Variants in SCUBE2 observed in about 807,000 individuals in gnomAD.
SCUBE2 encodes the protein signal peptide, CUB and EGF-like domain-containing protein 2.
Under a neutral mutation model 125.9 loss-of-function variants are expected in SCUBE2, and 114 were observed. The ratio of observed to expected loss-of-function variants is 0.91; its 90% CI spans 0.78 to 1.06. The LOEUF (loss-of-function observed/expected upper bound fraction) is 1.06, where lower values mean the gene tolerates loss of function less well. SCUBE2 is among the 50% of genes least tolerant of loss of function. The probability of loss-of-function intolerance (pLI) is 0.00; values close to 1 mark genes in which losing one functional copy is unlikely to be tolerated. For missense variants in SCUBE2, 1,255 were observed against 1,301.8 expected (o/e 0.96, Z 0.55); for synonymous variants, 459 against 492.9 (o/e 0.93, Z 0.91).
At position 9,091,260 on chromosome 11, in the gene SCUBE2, G is replaced by T. The variant is rs1021578979; in HGVS notation, c.133+136C>A. The T allele has an allele frequency of 5.2e-5, 29 of 553,766 alleles. No individual in the cohort carries two copies. The highest frequency in any genetic ancestry group is 1.4e-4 in the Admixed American group (3 of 20,980). 34.3% of individuals were successfully genotyped at this position (553,766 alleles called of 1,614,324 possible). On this transcript the variant is annotated intron_variant, in intron 1 of 22. Transcript: ENST00000649792. This position sits in a 1 kb window ranked among gnomAD's most constrained non-coding sequence, Gnocchi z 8.5. Reference sequence around the variant, plus strand: ...CCGGCCGGCGGGTGAGGTCCCGGGGGGAGCAGAGGCCCCCGCGGAGCTGCA... The same window carrying T: ...CCGGCCGGCGGGTGAGGTCCCGGGGTGAGCAGAGGCCCCCGCGGAGCTGCA...
At chr11:9,058,406 AC>A (rs1192341200) in intron 9 of SCUBE2, among the ~76,000 whole-genome samples, 4 of 151,296 alleles carry the variant, frequency 2.6e-5, no homozygotes, top group Non-Finnish European at 5.9e-5. Context: ...GACCAGCCTG[AC>A]CAACATAGGG....
At chr11:9,070,494 C>T (rs1240067343) in intron 4 of SCUBE2, among the ~76,000 whole-genome samples, 1 of 152,184 alleles carries the variant, frequency 6.6e-6, no homozygotes, top group East Asian at 1.9e-4. Context: ...ATTACCTGTT[C>T]CTATGTTGCT....
At chr11:9,067,582 T>C (rs565840336) in intron 5 of SCUBE2, among the ~76,000 whole-genome samples, 10 of 152,300 alleles carry the variant, frequency 6.6e-5, no homozygotes, top group Admixed American at 5.9e-4. Context: ...TGTGTAAAAA[T>C]TGTGTATGCA....
intron 16 of SCUBE2, among the ~76,000 whole-genome samples, chr11:9,038,727 G>A (rs568288780): frequency 1.1e-4 from 17 of 152,206 alleles, no homozygotes; most frequent in Non-Finnish European, 2.5e-4. Flanking sequence ...ACAGCATAAG[G>A]GGGTAGGGCA....
chr11:9,060,512 A>C lies in SCUBE2; in HGVS notation c.863T>G (p.Val288Gly). The part of the protein sequence containing the change: ...KRRLLMETCA[V>G]NNGGCDRTCK... ...GGTGCGGTCACAGCCTCCATTGTTG[A>C]CAGCACACGTTTCTGGCAAGGAGGT... Residue 288 changes from valine to glycine, a missense_variant, in exon 8 of 23, where the codon GTC (valine) becomes GGC (glycine). Physicochemically the swap from Val to Gly is moderately radical, Grantham distance 109. This residue lies in a region of SCUBE2 where 378 missense variants were observed against 463.1 expected (regional missense o/e 0.82). Coordinates refer to ENST00000649792, the MANE Select transcript of SCUBE2 (RefSeq NM_001367977.2). 6.2e-7 allele frequency: 1 copy of C among 1,613,690 alleles called. No individual in the cohort carries two copies. The highest frequency in any genetic ancestry group is 8.5e-7 in the Non-Finnish European group (1 of 1,179,780).
intron 18 of SCUBE2, 133 bp from the exon 19 acceptor site, chr11:9,030,178 G>A: frequency 1.0e-6 from 1 of 997,262 alleles, no homozygotes; most frequent in Non-Finnish European, 1.5e-6. Context: ...ACCAATCTGG[G>A]GCTAATCAAC....
Position 9,046,365 on chromosome 11 carries a change from C to A in SCUBE2, c.2002+991G>T, listed in dbSNP as rs535839720. Among the ~76,000 whole-genome samples the A allele has an allele frequency of 3.9e-5, 6 of 152,238 alleles. No homozygotes were observed. In the South Asian group the frequency reaches 1.0e-3, roughly 26 times the overall value. On this transcript the variant is annotated intron_variant, in intron 16 of 22. Transcript: ENST00000649792. ...AAGCCCCTGTTAAGTAACTCCTGCT[C>A]CTTATCCTTGGGCCTTTACTCCCCA...
intron 7 of SCUBE2, 112 bp downstream of exon 7, chr11:9,065,779 C>A (rs1393607095): frequency 5.9e-6 from 5 of 842,826 alleles, no homozygotes; most frequent in Non-Finnish European, 1.0e-5. Context: ...GCTGCTCACC[C>A]CAGTCCAGCT....
intron 12 of SCUBE2, 27 bp from the exon 13 acceptor site, chr11:9,052,859 A>G (rs1364502800): frequency 6.6e-7 from 1 of 1,503,904 alleles, no homozygotes; most frequent in East Asian, 2.5e-5. Context: ...CAATTGTCAA[A>G]TGCATAAGCA....
At chr11:9,089,507 CTG>C (rs1290212862) in intron 2 of SCUBE2, among the ~76,000 whole-genome samples, 198 bp downstream of exon 2, 2 of 152,210 alleles carry the variant, frequency 1.3e-5, no homozygotes, top group African/African-American at 2.4e-5. Context: ...CCAGATAAAA[CTG>C]TGTGAGCAGC....
At chr11:9,089,627 C>T in intron 2 of SCUBE2, 80 bp downstream of exon 2, 1 of 1,511,980 alleles carries the variant, frequency 6.6e-7, no homozygotes, top group Non-Finnish European at 9.0e-7. Flanking sequence ...AGTACTTTTA[C>T]CAACATAAGT....
chr11:9,045,606 G>GAC (rs762865868), intron 16 of SCUBE2, among the ~76,000 whole-genome samples: 18 of 115,234 alleles, frequency 1.6e-4, no homozygotes, highest in South Asian at 3.2e-4. Context: ...AAGACAGACA[G>GAC]ACAGACACAC....
chr11:9,045,784 T>G (rs1197127475), intron 16 of SCUBE2, among the ~76,000 whole-genome samples: 2 of 152,138 alleles, frequency 1.3e-5, no homozygotes, highest in African/African-American at 4.8e-5. Context: ...TTGAGCCGTT[T>G]TCTCTGCATG....
intron 8 of SCUBE2, 195 bp from the exon 9 acceptor site, chr11:9,059,620 A>T: frequency 1.4e-6 from 1 of 694,914 alleles, no homozygotes; most frequent in Non-Finnish European, 2.3e-6. Context: ...TTGAAAGACA[A>T]GTGTTTCATC....
At chr11:9,037,726 A>G in intron 16 of SCUBE2, among the ~76,000 whole-genome samples, 2 of 152,330 alleles carry the variant, frequency 1.3e-5, no homozygotes, top group East Asian at 3.9e-4. Context: ...AACAGGGGAC[A>G]GTCCTTCTTG....
At chr11:9,073,706 C>A (rs1179245088) in intron 4 of SCUBE2, among the ~76,000 whole-genome samples, 1 of 152,106 alleles carries the variant, frequency 6.6e-6, no homozygotes, top group Non-Finnish European at 1.5e-5. Flanking sequence ...AGGAACACAG[C>A]CACCAAAATG....
chr11:9,025,792 T>C lies in SCUBE2; in HGVS notation c.2764A>G (p.Thr922Ala). 1 of 1,614,160 alleles carries C rather than the reference T, an allele frequency of 6.2e-7. No homozygotes were observed. Among genetic ancestry groups the C allele is most frequent in the Non-Finnish European group, 8.5e-7 (1 of 1,180,020 alleles). Reference protein sequence around the residue: ...CQTYERPIAFTSRSKKLWIQF... With the variant: ...CQTYERPIAFASRSKKLWIQF... ...ATCCACAGCTTCTTTGACCTGGAGG[T>C]GAAGGCGATGGGGCGTTCGTAGGTC... The change falls in exon 21 of 23, where the codon ACC becomes GCC. Residue 922 changes from threonine (T) to alanine (A), a missense_variant. By Grantham distance (58) the Thr-to-Ala change is moderately conservative. Transcript: ENST00000649792.
At chr11:9,025,493 A>T in intron 21 of SCUBE2, 1 of 523,598 alleles carries the variant, frequency 1.9e-6, no homozygotes, top group Non-Finnish European at 3.4e-6. Flanking sequence ...GCTCACTTTT[A>T]ATATATTTTA....
intron 2 of SCUBE2, among the ~76,000 whole-genome samples, chr11:9,083,850 C>A (rs1861853200): frequency 1.3e-5 from 2 of 152,038 alleles, no homozygotes; most frequent in African/African-American, 4.8e-5. Flanking sequence ...TAGAATGAAT[C>A]TTGTGGTAAT....
Sources: gnomAD v4.1 joint callset for allele counts (sites outside exome capture counted in the v4.1 genomes callset) on GRCh38, gnomAD v4.1.1 for gene constraint, gnomAD v4.1.1 regional missense constraint, Gnocchi (gnomAD v3.1) non-coding constraint, MANE v1.5 for transcripts, NCBI Gene and HGNC (gene_info 2026-07-23, HGNC 2026-07-21) for gene names.